PDE4D: variants seen among roughly 807,000 people sequenced by gnomAD.
PDE4D encodes phosphodiesterase 4D.
A neutral mutation model predicts 87.4 loss-of-function variants in PDE4D; 24 were observed. That is an observed-to-expected ratio of 0.27 (90% CI 0.20 to 0.39). The LOEUF is 0.39. Among genes scored for constraint, PDE4D ranks in the 10% least tolerant of loss-of-function variants. The pLI is 1.00. For synonymous variants in PDE4D, 384 were observed against 383.2 expected (o/e 1.00, Z -0.02); for missense variants, 714 against 1,041.0 (o/e 0.69, Z 4.32).
intron 2 of PDE4D, among the ~76,000 whole-genome samples, chr5:60,154,263 T>G (rs956415210): frequency 7.0e-6 from 1 of 142,006 alleles, no homozygotes; most frequent in Non-Finnish European, 1.5e-5. Flanking sequence ...TTGAAAAGAA[T>G]GAAAAAATTC....
At chr5:59,576,834 T>G (rs2153698429) in intron 1 of PDE4D, among the ~76,000 whole-genome samples, 1 of 152,272 alleles carries the variant, frequency 6.6e-6, no homozygotes, top group South Asian at 2.1e-4. Flanking sequence ...AAAATAGGAC[T>G]TTTCCCACAA....
intron 1 of PDE4D, among the ~76,000 whole-genome samples, chr5:60,369,093 T>C (rs1354863577): frequency 6.6e-6 from 1 of 151,742 alleles, no homozygotes; most frequent in Non-Finnish European, 1.5e-5. Flanking sequence ...AACCCCACTC[T>C]CCCTCACCCT....
intron 1 of PDE4D, among the ~76,000 whole-genome samples, chr5:59,302,372 C>T (rs1770432763): frequency 6.6e-6 from 1 of 152,090 alleles, no homozygotes; most frequent in African/African-American, 2.4e-5. Context: ...AAATCTATTA[C>T]TTTTTATAAA....
intron 1 of PDE4D, among the ~76,000 whole-genome samples, chr5:59,421,487 C>A (rs1399014382): frequency 2.0e-5 from 3 of 151,936 alleles, no homozygotes; most frequent in Non-Finnish European, 2.9e-5. Flanking sequence ...CATATAAGAA[C>A]ATTATAGGTA....
intron 1 of PDE4D, among the ~76,000 whole-genome samples, chr5:60,319,715 G>A (rs1291548586): frequency 6.6e-6 from 1 of 152,196 alleles, no homozygotes; most frequent in African/African-American, 2.4e-5. Context: ...AGGACCCTCA[G>A]CTTCAGGTCT....
intron 1 of PDE4D, among the ~76,000 whole-genome samples, chr5:60,239,528 G>T (rs1746834563): frequency 6.6e-6 from 1 of 152,058 alleles, no homozygotes; most frequent in Admixed American, 6.6e-5. Flanking sequence ...AATACAGAAA[G>T]AATTGAAATC....
At chr5:59,170,220 G>A (rs1340346798) in intron 5 of PDE4D, among the ~76,000 whole-genome samples, 1 of 152,068 alleles carries the variant, frequency 6.6e-6, no homozygotes, top group Non-Finnish European at 1.5e-5. Flanking sequence ...AGGTCTCACT[G>A]TGTTTCAGGC....
At chr5:59,043,663 C>G (rs931194638) in intron 5 of PDE4D, among the ~76,000 whole-genome samples, 22 of 152,150 alleles carry the variant, frequency 1.4e-4, no homozygotes, top group Non-Finnish European at 2.5e-4. Context: ...CCATTAACTC[C>G]TCATTTACAT....
At chr5:59,892,674 C>T (rs941272482) in intron 1 of PDE4D, among the ~76,000 whole-genome samples, 4 of 152,128 alleles carry the variant, frequency 2.6e-5, no homozygotes, top group African/African-American at 4.8e-5. Context: ...CTCACTCCCC[C>T]CTCCTCCCCA....
intron 1 of PDE4D, among the ~76,000 whole-genome samples, chr5:59,672,108 A>G (rs1747311581): frequency 6.6e-6 from 1 of 152,194 alleles, no homozygotes; most frequent in Non-Finnish European, 1.5e-5. Context: ...GGCTGGAGCT[A>G]AAGTTGAGGC....
chr5:59,501,997 T>C (rs1251836410), intron 1 of PDE4D, among the ~76,000 whole-genome samples: 1 of 152,178 alleles, frequency 6.6e-6, no homozygotes, highest in Admixed American at 6.5e-5. Flanking sequence ...CTTTGGAGAC[T>C]CAGAGAAACT....
chr5:59,247,119 G>A (rs184453432), intron 1 of PDE4D, among the ~76,000 whole-genome samples: 2 of 152,188 alleles, frequency 1.3e-5, no homozygotes, highest in East Asian at 3.9e-4. Flanking sequence ...ATCTCAACAG[G>A]AACCACAGTC....
chr5:59,002,552 A>C (rs1750751099), intron 6 of PDE4D, among the ~76,000 whole-genome samples: 1 of 152,146 alleles, frequency 6.6e-6, no homozygotes, highest in Non-Finnish European at 1.5e-5. Flanking sequence ...AACTTCACAG[A>C]CAGTGAAGAG....
intron 1 of PDE4D, among the ~76,000 whole-genome samples, chr5:59,462,474 G>C (rs1800916501): frequency 6.6e-6 from 1 of 152,120 alleles, no homozygotes; most frequent in Admixed American, 6.6e-5. Context: ...CATCAGTATA[G>C]TTCTGAGCAC....
intron 1 of PDE4D, among the ~76,000 whole-genome samples, chr5:60,413,070 A>G (rs2150069697): frequency 6.6e-6 from 1 of 152,288 alleles, no homozygotes; most frequent in South Asian, 2.1e-4. Flanking sequence ...CATTTAACTA[A>G]GCTATTTAAT....
intron 1 of PDE4D, among the ~76,000 whole-genome samples, chr5:59,728,677 T>G (rs1756946561): frequency 1.3e-5 from 2 of 152,126 alleles, no homozygotes; most frequent in Admixed American, 1.3e-4. Flanking sequence ...AGATTTCCTG[T>G]GACTATATGG....
At chr5:59,503,830 T>C (rs1053944196) in intron 1 of PDE4D, among the ~76,000 whole-genome samples, 1 of 152,180 alleles carries the variant, frequency 6.6e-6, no homozygotes, top group Non-Finnish European at 1.5e-5. Flanking sequence ...TTAAAATGCA[T>C]TTATATCTAA....
rs796344070 is a variant in PDE4D, at chr5:60,473,105, GAA to G, written c.-90+14835_-90+14836del. ...GAGAGAGAGAGATGAAAGAAAGAAA[GAA>G]AGAGAGAGAGAGAAAGAAAGGAAGG... On this transcript the variant is annotated intron_variant, in intron 1 of 16. Transcript: ENST00000502484. Among the ~76,000 whole-genome samples, 566 of 66,882 alleles carry G rather than the reference GAA, an allele frequency of 8.5e-3. 9 individuals are homozygous for G. Among genetic ancestry groups the G allele is most frequent in the African/African-American group, 0.067 (550 of 8,268 alleles). The allele number at this position is 66,882 out of a possible 152,430, so 43.9% of individuals were successfully genotyped here.
chr5:59,623,612 C>T (rs940608465), intron 1 of PDE4D, among the ~76,000 whole-genome samples: 1 of 152,060 alleles, frequency 6.6e-6, no homozygotes, highest in Non-Finnish European at 1.5e-5. Flanking sequence ...GGTATGTGCC[C>T]TCATGAGAAC....
Sources: gnomAD v4.1 joint callset for allele counts (sites outside exome capture counted in the v4.1 genomes callset) on GRCh38, gnomAD v4.1.1 for gene constraint, MANE v1.5 for transcripts, NCBI Gene and HGNC (gene_info 2026-07-23, HGNC 2026-07-21) for gene names.